KCNH1: variants seen among roughly 807,000 people sequenced by gnomAD.
KCNH1 encodes potassium voltage-gated channel subfamily H member 1.
Under a neutral mutation model 69.2 loss-of-function variants are expected in KCNH1, and 27 were observed. The observed-to-expected ratio is 0.39, with a 90% confidence interval of 0.29 to 0.54. KCNH1 has a LOEUF of 0.54. KCNH1 is among the 20% of genes least tolerant of loss of function. The probability of loss-of-function intolerance (pLI) is 0.68; values close to 1 mark genes in which losing one functional copy is unlikely to be tolerated. For missense variants in KCNH1, 798 were observed against 1,261.6 expected (o/e 0.63, Z 5.57); for synonymous variants, 456 against 487.7 (o/e 0.93, Z 0.86).
chr1:210,899,923 T>C (rs1686958136), intron 7 of KCNH1, among the ~76,000 whole-genome samples: 1 of 152,160 alleles, frequency 6.6e-6, no homozygotes, highest in African/African-American at 2.4e-5. Context: ...CAAAGGTACA[T>C]ATTAAAGTCA....
intron 10 of KCNH1, among the ~76,000 whole-genome samples, chr1:210,773,332 AAGTTGAGGCCCAG>A (rs1370711024): frequency 2.0e-5 from 3 of 152,150 alleles, no homozygotes; most frequent in African/African-American, 4.8e-5. Context: ...TATTATGTGG[AAGTTGAGGCCCAG>A]AGTTGAGGCC....
rs985963595 is a variant in KCNH1, at chr1:210,865,294, T to C, written c.1462+54346A>G. ...CTCATTAATTCAGTCCTTACAATAA[T>C]ACTGCAAGGTAATTTATTATTACTC... On this transcript the variant is annotated intron_variant, in intron 7 of 10. Transcript: ENST00000271751. 4.6e-5 allele frequency among the ~76,000 whole-genome samples: 7 copies of C among 152,236 alleles called. No homozygotes were observed. In the South Asian group the frequency reaches 8.3e-4, roughly 18 times the overall value.
intron 10 of KCNH1, among the ~76,000 whole-genome samples, chr1:210,695,462 CTG>C (rs752841980): frequency 6.6e-6 from 1 of 152,212 alleles, no homozygotes; most frequent in Non-Finnish European, 1.5e-5. Context: ...TATATTTACA[CTG>C]TGTTCAATTT....
intron 10 of KCNH1, among the ~76,000 whole-genome samples, chr1:210,772,276 C>G (rs1261256943): frequency 6.6e-6 from 1 of 152,076 alleles, no homozygotes; most frequent in Non-Finnish European, 1.5e-5. Flanking sequence ...AAGAAACTCC[C>G]CAGATAGATG....
chr1:210,712,389 A>ACT (rs1169026585), intron 10 of KCNH1, among the ~76,000 whole-genome samples: 1 of 152,104 alleles, frequency 6.6e-6, no homozygotes, highest in African/African-American at 2.4e-5. Context: ...TGAAATAAAA[A>ACT]CTCCGCCTGC....
At chr1:210,732,846 T>G (rs1301468379) in intron 10 of KCNH1, among the ~76,000 whole-genome samples, 1 of 152,186 alleles carries the variant, frequency 6.6e-6, no homozygotes, top group Admixed American at 6.5e-5. Context: ...CCTAATCGCC[T>G]CTCAAAGGGC....
At chr1:210,946,606 G>A (rs1046990277) in intron 6 of KCNH1, among the ~76,000 whole-genome samples, 1 of 152,058 alleles carries the variant, frequency 6.6e-6, no homozygotes, top group Non-Finnish European at 1.5e-5. Flanking sequence ...GAAAAACATG[G>A]CCCAAATTTG....
chr1:210,890,373 C>T (rs905409764), intron 7 of KCNH1, among the ~76,000 whole-genome samples: 2 of 152,170 alleles, frequency 1.3e-5, no homozygotes, highest in Admixed American at 1.3e-4. Context: ...CCCTTCCTTA[C>T]ACTTTATACA....
intron 5 of KCNH1, among the ~76,000 whole-genome samples, chr1:211,035,647 C>T (rs528038922): frequency 6.6e-6 from 1 of 152,112 alleles, no homozygotes; most frequent in Admixed American, 6.5e-5. Flanking sequence ...AAGTTTTTAC[C>T]ATCTGACCTG....
intron 7 of KCNH1, among the ~76,000 whole-genome samples, chr1:210,818,291 A>G (rs980723145): frequency 6.6e-6 from 1 of 152,208 alleles, no homozygotes; most frequent in African/African-American, 2.4e-5. Flanking sequence ...AGTGATGTCC[A>G]TAACTGACTT....
rs935911197 is a variant in KCNH1 at position 211,132,708 on chromosome 1, G to T, written c.79+1159C>A. The T allele has an allele frequency of 2.6e-5, 4 of 152,098 alleles. No homozygotes were observed. In the South Asian group the frequency reaches 6.2e-4, roughly 24 times the overall value. 9.4% of individuals were successfully genotyped at this position (152,098 alleles called of 1,614,324 possible). ...CAGAAGCTCCTTAGACTCTGAAATC[G>T]TGATATTTACACATTATTAAAACCC... On this transcript the variant is annotated intron_variant, in intron 1 of 10. Transcript: ENST00000271751.
intron 1 of KCNH1, among the ~76,000 whole-genome samples, chr1:211,112,772 A>G (rs1571656784): frequency 6.6e-6 from 1 of 152,172 alleles, no homozygotes; most frequent in Admixed American, 6.5e-5. Flanking sequence ...AGAGAATGGA[A>G]GAAAGATTTC....
intron 7 of KCNH1, among the ~76,000 whole-genome samples, chr1:210,839,813 G>C (rs1362593662): frequency 2.0e-5 from 3 of 152,084 alleles, no homozygotes; most frequent in Non-Finnish European, 4.4e-5. Context: ...GACTTTTAAA[G>C]AAAAAACAAT....
chr1:211,084,137 A>G (rs1690910047), intron 4 of KCNH1, among the ~76,000 whole-genome samples: 1 of 152,194 alleles, frequency 6.6e-6, no homozygotes, highest in African/African-American at 2.4e-5. Context: ...GGGGGGTCCC[A>G]TTAATGTTAA....
intron 6 of KCNH1, among the ~76,000 whole-genome samples, chr1:211,004,925 A>G (rs1489750329): frequency 6.6e-6 from 1 of 152,162 alleles, no homozygotes; most frequent in Non-Finnish European, 1.5e-5. Context: ...AAATTAGCAG[A>G]AAGATTAAAA....
At chr1:210,861,479 A>G in intron 7 of KCNH1, 2 of 775,170 alleles carry the variant, frequency 2.6e-6, no homozygotes, top group Non-Finnish European at 4.8e-6. Flanking sequence ...TCTTGCTAAA[A>G]TATGTAAGGC....
chr1:211,021,062 C>T (rs57179129), intron 5 of KCNH1, among the ~76,000 whole-genome samples: 21,296 of 152,014 alleles, frequency 0.14, 1,778 homozygotes, highest in East Asian at 0.39. Context: ...AAATGGAAAA[C>T]CAAACATTGT....
At chr1:210,899,349 T>A (rs1201194069) in intron 7 of KCNH1, among the ~76,000 whole-genome samples, 2 of 152,142 alleles carry the variant, frequency 1.3e-5, no homozygotes, top group African/African-American at 4.8e-5. Flanking sequence ...AACAGCACTC[T>A]TGACACAAAA....
intron 7 of KCNH1, among the ~76,000 whole-genome samples, chr1:210,852,333 G>A (rs1279043648): frequency 1.3e-5 from 2 of 152,210 alleles, no homozygotes; most frequent in African/African-American, 4.8e-5. Flanking sequence ...GAGGTGGTGC[G>A]AGAGAAGGCT....
Sources: gnomAD v4.1 joint callset for allele counts (sites outside exome capture counted in the v4.1 genomes callset) on GRCh38, gnomAD v4.1.1 for gene constraint, MANE v1.5 for transcripts, NCBI Gene and HGNC (gene_info 2026-07-23, HGNC 2026-07-21) for gene names.